The following PTPA variants were observed in gnomAD, a reference collection of about 807,000 sequenced individuals.
PTPA encodes the protein protein phosphatase 2 phosphatase activator, also known as serine/threonine-protein phosphatase 2A activator.
In PTPA, 13 loss-of-function variants were observed where a neutral mutation model predicts 43.6. That is an observed-to-expected ratio of 0.30 (90% confidence interval 0.19 to 0.47). The LOEUF is 0.47. Among genes scored for constraint, PTPA ranks in the 20% least tolerant of loss-of-function variants. The pLI is 0.99. For missense variants in PTPA, 329 were observed against 411.9 expected, an observed-to-expected ratio of 0.80 and a Z score of 1.74; for synonymous variants, 172 against 158.2, an observed-to-expected ratio of 1.09 and a Z score of -0.66.
Position 129,142,557 on chromosome 9 carries a change from G to A in PTPA, c.894+5G>A, listed in dbSNP as rs1850954997. On this transcript the variant is annotated splice_donor_5th_base_variant and intron_variant, in intron 9 of 9. Transcript: ENST00000393370. ...ATCCGCATGTATAAGGCCGAGGTGA[G>A]TGGGGGCTGGCCAGTGTGCCCGTCC... The A allele has an allele frequency of 6.2e-7, 1 of 1,614,142 alleles. No homozygotes were observed. Among genetic ancestry groups the A allele is most frequent in the South Asian group, 1.1e-5 (1 of 91,078 alleles).
chr9:129,114,257 A>G (rs1246810440), intron 1 of PTPA, among the ~76,000 whole-genome samples: 2 of 152,208 alleles, frequency 1.3e-5, no homozygotes, highest in Non-Finnish European at 2.9e-5. Context: ...TCCTGGCCTC[A>G]AGTAATTCAC....
chr9:129,111,197 G>A, upstream of PTPA: 1 of 1,112,014 alleles, frequency 9.0e-7, no homozygotes, highest in Non-Finnish European at 1.2e-6. Context: ...ACAGGAGACT[G>A]TCCCGGAAAA....
intron 2 of PTPA, among the ~76,000 whole-genome samples, chr9:129,121,351 C>T (rs1849237492): frequency 1.3e-5 from 2 of 152,202 alleles, no homozygotes; most frequent in South Asian, 4.1e-4. Context: ...TATGCCTTGT[C>T]CTCACTGGGG....
intron 3 of PTPA, among the ~76,000 whole-genome samples, chr9:129,124,450 C>T (rs145056158): frequency 2.6e-5 from 4 of 152,306 alleles, no homozygotes; most frequent in South Asian, 2.1e-4. Context: ...GCCTTGTTTC[C>T]GAAGGATTCA....
rs1410239196 is a variant in PTPA at position 129,143,705 on chromosome 9, G to A, written c.894+1153G>A. 4 of 418,064 alleles carry A rather than the reference G, an allele frequency of 9.6e-6. No individual in the cohort carries two copies. In the Admixed American group the frequency reaches 1.4e-4, roughly 15 times the overall value. 25.9% of individuals were successfully genotyped at this position (418,064 alleles called of 1,614,324 possible). A position where few individuals can be genotyped will look rare whatever the true frequency, so the allele number is the denominator to read the frequency against. On this transcript the variant is annotated intron_variant, in intron 9 of 9. Transcript: ENST00000393370. ...TCTGGACCTCACATCCTGTGTTTAG[G>A]TTCCAGCCCACATACCTCTCTAATC... is the stretch of plus-strand genomic sequence containing the variant.
rs1380735920 is a variant in PTPA at position 129,120,131 on chromosome 9, G to A, written c.32-382G>A. Among the ~76,000 whole-genome samples, 5 of 152,276 alleles carry A rather than the reference G, an allele frequency of 3.3e-5. No individual in the cohort carries two copies. In the South Asian group the frequency reaches 8.3e-4, roughly 25 times the overall value. On this transcript the variant is annotated intron_variant, in intron 1 of 9. Transcript: ENST00000393370. ...AAATTAGCTAGGCATGGTGACATAC[G>A]TCTGTAATCCCAGCTACTCAGAACA...
chr9:129,114,958 G>A (rs1848771654), intron 1 of PTPA, among the ~76,000 whole-genome samples: 2 of 152,146 alleles, frequency 1.3e-5, no homozygotes, highest in African/African-American at 2.4e-5. Context: ...CTCTCTTCCT[G>A]TGAAATATCC....
intron 5 of PTPA, among the ~76,000 whole-genome samples, chr9:129,132,319 G>T (rs1297889785): frequency 6.6e-6 from 1 of 152,016 alleles, no homozygotes; most frequent in Non-Finnish European, 1.5e-5. Context: ...TTTATTTTAA[G>T]TTATTTTTAT....
chr9:129,112,856 G>A (rs915938776), intron 1 of PTPA, among the ~76,000 whole-genome samples: 5 of 151,910 alleles, frequency 3.3e-5, no homozygotes, highest in Non-Finnish European at 5.9e-5. Context: ...CAGGAGAATC[G>A]CTTGAACCTG....
chr9:129,124,674 C>T (rs979318029), intron 3 of PTPA, among the ~76,000 whole-genome samples: 1 of 152,322 alleles, frequency 6.6e-6, no homozygotes, highest in South Asian at 2.1e-4. Flanking sequence ...GGGCTAGGAC[C>T]TAGGCCTCCA....
chr9:129,143,137 A>G, intron 9 of PTPA: 1 of 606,522 alleles, frequency 1.6e-6, no homozygotes, highest in Non-Finnish European at 2.9e-6. Flanking sequence ...CCCTGCTGGC[A>G]GGCAGCCGAG....
intron 8 of PTPA, among the ~76,000 whole-genome samples, chr9:129,140,360 A>G (rs1850699039): frequency 6.6e-6 from 1 of 151,874 alleles, no homozygotes; most frequent in African/African-American, 2.4e-5. Flanking sequence ...AAGGACTGTA[A>G]CCTCCCTGAA....
chr9:129,120,261 GA>G (rs56124277), intron 1 of PTPA, among the ~76,000 whole-genome samples: 85,453 of 144,586 alleles, frequency 0.59, 27,105 homozygotes, highest in Non-Finnish European at 0.71. Flanking sequence ...CTGTCTCAAA[GA>G]AAAAAAAAAA....
At chr9:129,129,504 G>A (rs1046135738) in intron 4 of PTPA, among the ~76,000 whole-genome samples, 78 of 149,230 alleles carry the variant, frequency 5.2e-4, no homozygotes, top group Non-Finnish European at 9.3e-4. Flanking sequence ...GAGTCTCGCT[G>A]TGTTGCCCAG....
intron 8 of PTPA, among the ~76,000 whole-genome samples, chr9:129,140,889 C>T (rs1431472514): frequency 2.6e-5 from 4 of 152,106 alleles, no homozygotes; most frequent in Non-Finnish European, 2.9e-5. Context: ...CCTGTAGGCT[C>T]GGGGTGCCTG....
Position 129,147,430 on chromosome 9 carries a change from G to A in PTPA, c.938G>A (p.Ser313Asn), listed in dbSNP as rs1851377910. The change falls in exon 10 of 10, where the codon AGC becomes AAC. Residue 313 changes from serine (S) to asparagine (N), a missense_variant. By Grantham distance (46) the Ser-to-Asn change is conservative. Transcript: ENST00000393370. Reference sequence around the variant, plus strand: ...GTGATCCAGCACTTCAAGTTCGGGAGCCTGCTGCCCATCCATCCTGTCACG... The same window carrying A: ...GTGATCCAGCACTTCAAGTTCGGGAACCTGCTGCCCATCCATCCTGTCACG... Reference protein sequence around the residue: ...FPVIQHFKFGSLLPIHPVTSG With the variant: ...FPVIQHFKFGNLLPIHPVTSG The A allele has an allele frequency of 6.2e-7, 1 of 1,613,878 alleles. No individual in the cohort carries two copies. The highest frequency in any genetic ancestry group is 1.3e-5 in the African/African-American group (1 of 74,922).
chr9:129,137,407 C>T (rs1850443330), intron 7 of PTPA, among the ~76,000 whole-genome samples, 185 bp from the exon 8 acceptor site: 1 of 152,250 alleles, frequency 6.6e-6, no homozygotes, highest in South Asian at 2.1e-4. Flanking sequence ...CGTCCAACGC[C>T]ATGCAGCTAG....
At chr9:129,143,330 C>T (rs541068866) in intron 9 of PTPA, 1 of 703,112 alleles carries the variant, frequency 1.4e-6, no homozygotes, top group Non-Finnish European at 2.6e-6. Context: ...TGAAGTTCCA[C>T]ACCTGGAGTG....
intron 3 of PTPA, among the ~76,000 whole-genome samples, chr9:129,125,327 C>G (rs1849505853): frequency 6.6e-6 from 1 of 151,800 alleles, no homozygotes; most frequent in Admixed American, 6.6e-5. Context: ...TCTTGGCTCA[C>G]TGCAGCCTCC....
Sources: gnomAD v4.1 joint callset for allele counts (sites outside exome capture counted in the v4.1 genomes callset) on GRCh38, gnomAD v4.1.1 for gene constraint, MANE v1.5 for transcripts, NCBI Gene and HGNC (gene_info 2026-07-23, HGNC 2026-07-21) for gene names.